The following KLC2 variants were observed in gnomAD, a reference collection of about 807,000 sequenced individuals.
KLC2 encodes the protein KLC 2.
In KLC2, 35 loss-of-function variants were observed where a neutral mutation model predicts 75.1. That is an observed-to-expected ratio of 0.47 (90% CI 0.36 to 0.62). The LOEUF is 0.62. KLC2 is among the 20% of genes least tolerant of loss of function. The pLI is 0.00. For missense variants in KLC2, 611 were observed against 833.2 expected (o/e 0.73, Z 3.28); for synonymous variants, 314 against 336.7 (o/e 0.93, Z 0.74).
At chr11:66,247,323 G>A in the KLC2 span, among the ~76,000 whole-genome samples, 168 of 152,308 alleles carry the variant, frequency 1.1e-3, 1 homozygote, top group Middle Eastern at 0.037. Context: ...TGAGCAGATC[G>A]TGTTGGATTG....
the KLC2 span, among the ~76,000 whole-genome samples, chr11:66,247,091 C>T: frequency 5.5e-4 from 84 of 152,308 alleles, no homozygotes; most frequent in African/African-American, 1.9e-3. Flanking sequence ...TCTTCAGTTC[C>T]GAGGCCGAAA....
intron 2 of KLC2, chr11:66,261,363 C>T: frequency 5.5e-6 from 1 of 180,286 alleles, no homozygotes; most frequent in Non-Finnish European, 1.2e-5. Flanking sequence ...GTTCTGTGGG[C>T]AAGCGCTAGC....
chr11:66,263,137 C>T (rs1054299480), intron 5 of KLC2, 101 bp downstream of exon 5: 8 of 804,156 alleles, frequency 9.9e-6, no homozygotes, highest in Middle Eastern at 2.3e-4. Flanking sequence ...GGCCCACCTG[C>T]GTGGAGCTGG....
In KLC2 at chr11:66,265,015, CT is replaced by C; in HGVS notation, c.1217-7del. The C allele has an allele frequency of 6.2e-7, 1 of 1,612,728 alleles. No individual in the cohort carries two copies. Among genetic ancestry groups the C allele is most frequent in the Admixed American group, 1.7e-5 (1 of 59,868 alleles). ...GTAGGCTGGTGACAGTCCCCTTTCT[CT>C]CCCCAGGGGACAACAAGCCCATCTG... On this transcript the variant is annotated splice_polypyrimidine_tract_variant and splice_region_variant and intron_variant, in intron 9 of 15. Coordinates refer to ENST00000394067, the MANE Select transcript of KLC2 (RefSeq NM_001318734.2).
chr11:66,266,985 G>A lies in KLC2; in HGVS notation c.*29G>A, dbSNP rs371207205. The A allele has an allele frequency of 1.4e-5, 23 of 1,608,574 alleles. 1 individual carries two copies. The African/African-American group carries it at 2.0e-4, about 14-fold the overall frequency. On this transcript the variant is annotated 3_prime_UTR_variant, in exon 16 of 16. Coordinates refer to ENST00000394067, the MANE Select transcript of KLC2 (RefSeq NM_001318734.2). Reference sequence around the variant, plus strand: ...TGAAGGGGCAGCCAGTCACCAGAGCGCCCACCTGGCACACCCCCCTCACCC... The same window carrying A: ...TGAAGGGGCAGCCAGTCACCAGAGCACCCACCTGGCACACCCCCCTCACCC...
In KLC2 at chr11:66,261,971, A is replaced by C; in HGVS notation, c.458A>C (p.Asn153Thr). ...AAGTTGGATGAAGACGCCTCCCCTA[A>C]CGTGAGCTCCTACCATGGTCACTGT... ...IRKLDEDASP[N>T]EEKGDVPKDT... The change falls in exon 3 of 16, where the codon AAC becomes ACC. Residue 153 changes from asparagine to threonine, a missense_variant and splice_region_variant. By Grantham distance (65) the Asn-to-Thr change is moderately conservative (BLOSUM62 0). Transcript: ENST00000394067. The C allele has an allele frequency of 6.2e-7, 1 of 1,612,518 alleles. No homozygotes were observed. Among genetic ancestry groups the C allele is most frequent in the Non-Finnish European group, 8.5e-7 (1 of 1,178,656 alleles).
chr11:66,266,829 T>G (rs1856865283), intron 15 of KLC2, 44 bp from the exon 16 acceptor site: 2 of 1,594,424 alleles, frequency 1.3e-6, no homozygotes, highest in African/African-American at 2.7e-5. Flanking sequence ...AGGCACAGAC[T>G]GGCAGCAGCA....
At chr11:66,246,793 C>T in the KLC2 span, among the ~76,000 whole-genome samples, 1 of 152,274 alleles carries the variant, frequency 6.6e-6, no homozygotes, top group East Asian at 1.9e-4. Flanking sequence ...CTGGGTTGCC[C>T]AGTCCTATCA....
Position 66,258,693 on chromosome 11 carries a change from G to C in KLC2, c.99G>C (p.Gly33=). Residue 33 remains glycine, a synonymous_variant, in exon 2 of 16, where the codon GGG becomes GGC. Transcript: ENST00000394067. ...TCCAGGGACTGGAGACTCTGCGTGG[G>C]GAGCATCGTGCCCTGCTGGCTCCTC... The part of the protein sequence containing the change: ...AVIQGLETLR[G]EHRALLAPLV... 1.2e-6 allele frequency: 2 copies of C among 1,613,952 alleles called. No homozygotes were observed. Among genetic ancestry groups the C allele is most frequent in the Non-Finnish European group, 8.5e-7 (1 of 1,179,988 alleles).
intron 5 of KLC2, 136 bp downstream of exon 5, chr11:66,263,172 T>C: frequency 1.5e-6 from 1 of 652,606 alleles, no homozygotes; most frequent in Non-Finnish European, 2.7e-6. Flanking sequence ...TAAAACTGTC[T>C]AGTGTAAGAG....
In KLC2 at chr11:66,266,429, T is replaced by G; in HGVS notation, c.1728-4T>G. On this transcript the variant is annotated splice_polypyrimidine_tract_variant and splice_region_variant and intron_variant, in intron 14 of 15. Transcript: ENST00000394067. The stretch of plus-strand genomic sequence containing the variant: ...GCAAATCCCAGGCTGTCCTTTTCCC[T>G]CAGGATGAAGCGGGCCAGTTCCCTC... 6.2e-7 allele frequency: 1 copy of G among 1,600,388 alleles called. No homozygotes were observed. Among genetic ancestry groups the G allele is most frequent in the Non-Finnish European group, 8.5e-7 (1 of 1,171,196 alleles).
At chr11:66,254,398 G>A (rs55746937), upstream of KLC2, among the ~76,000 whole-genome samples, 36,742 of 151,974 alleles carry the variant, frequency 0.24, 4,919 homozygotes, top group South Asian at 0.46. Flanking sequence ...GGGCTCCGTG[G>A]CTCACACCTG....
Position 66,262,447 on chromosome 11 carries a change from T to C in KLC2, c.529+255T>C, listed in dbSNP as rs1164072885. 8.9e-5 allele frequency: 50 copies of C among 564,540 alleles called. No individual in the cohort carries two copies. The Admixed American group carries it at 1.5e-3, about 17-fold the overall frequency. 35.0% of individuals were successfully genotyped at this position (564,540 alleles called of 1,614,324 possible). A position where few individuals can be genotyped will look rare whatever the true frequency, so the allele number is the denominator to read the frequency against. Reference sequence around the variant, plus strand: ...CTCTGCCACTAGCTTCCCTGACCCTTGGGAGAGTTCTCTTCCTCTCCGAAT... The same window carrying C: ...CTCTGCCACTAGCTTCCCTGACCCTCGGGAGAGTTCTCTTCCTCTCCGAAT... On this transcript the variant is annotated intron_variant, in intron 4 of 15. Coordinates refer to ENST00000394067, the MANE Select transcript of KLC2 (RefSeq NM_001318734.2).
chr11:66,261,629 T>C lies in KLC2; in HGVS notation c.229-113T>C, dbSNP rs1305499608. The C allele has an allele frequency of 6.5e-5, 42 of 647,196 alleles. No homozygotes were observed. The East Asian group carries it at 1.1e-3, about 16-fold the overall frequency. 40.1% of individuals were successfully genotyped at this position (647,196 alleles called of 1,614,324 possible). A position where few individuals can be genotyped will look rare whatever the true frequency, so the allele number is the denominator to read the frequency against. ...AGAGAAAAGACCTGCAGCTCCTCAC[T>C]GTAGGGCCAGGCCTGGCCCTTCACT... is the stretch of plus-strand genomic sequence containing the variant. On this transcript the variant is annotated intron_variant, in intron 2 of 15. Transcript: ENST00000394067.
At chr11:66,263,813 G>A in intron 6 of KLC2, 38 bp from the exon 7 acceptor site, 2 of 1,607,196 alleles carry the variant, frequency 1.2e-6, no homozygotes, top group Non-Finnish European at 1.7e-6. Flanking sequence ...GAGTCCTGCA[G>A]GGCCTGAGTC....
intron 14 of KLC2, 61 bp downstream of exon 14, chr11:66,266,278 C>A: frequency 6.4e-7 from 1 of 1,550,800 alleles, no homozygotes; most frequent in Non-Finnish European, 8.7e-7. Flanking sequence ...GAGCTCCTGA[C>A]CCAGAGTGTG....
In KLC2 at chr11:66,265,255, G is replaced by A; in HGVS notation, c.1334+20G>A. 8.6e-6 allele frequency: 13 copies of A among 1,510,328 alleles called. No individual in the cohort carries two copies. The highest frequency in any genetic ancestry group is 1.2e-5 in the Non-Finnish European group (13 of 1,085,296). 93.6% of individuals were successfully genotyped at this position (1,510,328 alleles called of 1,614,324 possible). A position where few individuals can be genotyped will look rare whatever the true frequency, so the allele number is the denominator to read the frequency against. On this transcript the variant is annotated intron_variant, in intron 11 of 15. Coordinates refer to ENST00000394067, the MANE Select transcript of KLC2 (RefSeq NM_001318734.2). Reference sequence around the variant, plus strand: ...AGACAGGTGAGTGGGGCGGGGCTGGGCTGGGGAGCAGGGCACGGCAGGGCG... The same window carrying A: ...AGACAGGTGAGTGGGGCGGGGCTGGACTGGGGAGCAGGGCACGGCAGGGCG...
In KLC2 at chr11:66,265,641, T is replaced by C. The variant is rs778222350; in HGVS notation, c.1335-14T>C. ...TCTGGGGGAACATGGAGTTTGAGAC[T>C]GTCCCATCCACAGCCCCACAGTCAA... is the stretch of plus-strand genomic sequence containing the variant. On this transcript the variant is annotated splice_polypyrimidine_tract_variant and intron_variant, in intron 11 of 15. Coordinates refer to ENST00000394067, the MANE Select transcript of KLC2 (RefSeq NM_001318734.2). The C allele has an allele frequency of 5.6e-6, 9 of 1,602,904 alleles. No individual in the cohort carries two copies. The Admixed American group carries it at 1.0e-4, about 18-fold the overall frequency.
In KLC2 at chr11:66,267,764, T is replaced by TCCCCTGGTGGCAGGAGGGGCTC. The variant is rs1245175115; in HGVS notation, c.*815_*836dup. The TCCCCTGGTGGCAGGAGGGGCTC allele has an allele frequency of 2.2e-6, 1 of 458,874 alleles. No homozygotes were observed. The highest frequency in any genetic ancestry group is 2.1e-5 in the African/African-American group (1 of 48,768). The allele number at this position is 458,874 out of a possible 1,614,324, so 28.4% of individuals were successfully genotyped here. ...AGCTTCTCGCGAGGGGCGGCGACGG[T>TCCCCTGGTGGCAGGAGGGGCTC]CCCCTGGTGGCAGGAGGGGCTCCCC... is the stretch of plus-strand genomic sequence containing the variant. On this transcript the variant is annotated 3_prime_UTR_variant, in exon 16 of 16. Transcript: ENST00000394067.
Sources: gnomAD v4.1 joint callset for allele counts (sites outside exome capture counted in the v4.1 genomes callset) on GRCh38, gnomAD v4.1.1 for gene constraint, MANE v1.5 for transcripts, NCBI Gene and HGNC (gene_info 2026-07-23, HGNC 2026-07-21) for gene names.